Variants in ATAD3A observed in about 807,000 individuals in gnomAD.
ATAD3A encodes ATPase family AAA domain containing 3A.
A neutral mutation model predicts 73.8 loss-of-function variants in ATAD3A; 46 were observed. The observed-to-expected ratio is 0.62, with a 90% CI of 0.49 to 0.80. The LOEUF is 0.80. Ranked by LOEUF, ATAD3A falls within the 30% of genes least tolerant of loss-of-function variation. The pLI is 0.00. For missense variants in ATAD3A, 705 were observed against 838.0 expected, an observed-to-expected ratio of 0.84 and a Z score of 1.96; for synonymous variants, 319 against 350.0, an observed-to-expected ratio of 0.91 and a Z score of 0.99.
chr1:1,523,830 C>G lies in ATAD3A; in HGVS notation c.964-9C>G, dbSNP rs756076627. The G allele has an allele frequency of 6.2e-7, 1 of 1,613,754 alleles. No individual in the cohort carries two copies. ...AGTGTCTCCTCCAAACCCCCGTCTT[C>G]CCCGGCAGCCCAGCCTGGAAGCACG... On this transcript the variant is annotated splice_polypyrimidine_tract_variant and intron_variant, in intron 9 of 15. Transcript: ENST00000378756. The surrounding 1 kb of genome is among the most constrained non-coding windows in gnomAD (Gnocchi z 5.1).
intron 15 of ATAD3A, among the ~76,000 whole-genome samples, chr1:1,529,888 C>T (rs1294272847): frequency 6.6e-6 from 1 of 152,192 alleles, no homozygotes; most frequent in Non-Finnish European, 1.5e-5. Flanking sequence ...GCGTGGCCAT[C>T]CAGAAAGCTT....
chr1:1,518,001 G>A (rs944031301), intron 4 of ATAD3A, among the ~76,000 whole-genome samples: 17 of 151,890 alleles, frequency 1.1e-4, no homozygotes, highest in East Asian at 9.7e-4. Context: ...CTACCCACAC[G>A]GACACACACT....
rs967946869 is a variant in ATAD3A at position 1,534,338 on chromosome 1, G to A, written c.*266G>A. Reference sequence around the variant, plus strand: ...GATGCATTTTCCGTCTGGCTCACAGGGGGAGGGTGAGGCTTTGCACCCCAG... The same window carrying A: ...GATGCATTTTCCGTCTGGCTCACAGAGGGAGGGTGAGGCTTTGCACCCCAG... On this transcript the variant is annotated 3_prime_UTR_variant, in exon 16 of 16. Coordinates refer to ENST00000378756, the MANE Select transcript of ATAD3A (RefSeq NM_001170535.3). 6 of 1,410,802 alleles carry A rather than the reference G, an allele frequency of 4.3e-6. No individual in the cohort carries two copies. In the Admixed American group the frequency reaches 9.0e-5, roughly 21 times the overall value. The allele number at this position is 1,410,802 out of a possible 1,614,324, so 87.4% of individuals were successfully genotyped here.
rs2100664537 is a variant in ATAD3A at position 1,523,030 on chromosome 1, A to G, written c.906+131A>G. The G allele has an allele frequency of 6.9e-7, 1 of 1,453,462 alleles. No individual in the cohort carries two copies. The highest frequency in any genetic ancestry group is 1.4e-5 in the South Asian group (1 of 72,634). The allele number at this position is 1,453,462 out of a possible 1,614,324, so 90.0% of individuals were successfully genotyped here. A position where few individuals can be genotyped will look rare whatever the true frequency, so the allele number is the denominator to read the frequency against. On this transcript the variant is annotated intron_variant, in intron 8 of 15. Transcript: ENST00000378756. This position sits in a 1 kb window ranked among gnomAD's most constrained non-coding sequence, Gnocchi z 5.1. The stretch of plus-strand genomic sequence containing the variant: ...ATAACGGGCACCCGCACACTGCTTC[A>G]CGGGTGGGTTTTCCTGTCTGGCGCT...
At position 1,512,284 on chromosome 1, in the gene ATAD3A, G is replaced by C. The variant is rs1641217988; in HGVS notation, c.16G>C (p.Gly6Arg). 4.7e-6 allele frequency: 6 copies of C among 1,273,318 alleles called. No individual in the cohort carries two copies. Among genetic ancestry groups the C allele is most frequent in the Middle Eastern group, 3.1e-4 (1 of 3,232 alleles). 78.9% of individuals were successfully genotyped at this position (1,273,318 alleles called of 1,614,324 possible). The change falls in exon 1 of 16, where the codon GGC (glycine) becomes CGC (arginine). Residue 6 changes from glycine to arginine, a missense_variant. Gly to Arg is a moderately radical substitution (Grantham distance 125). Coordinates refer to ENST00000378756, the MANE Select transcript of ATAD3A (RefSeq NM_001170535.3). The part of the protein sequence containing the change: MSWLF[G>R]INKGPKGEGA... ...CGGTGCGAGCATGTCGTGGCTCTTC[G>C]GCATTAACAAGGGCCCCAAGGGTGA...
Position 1,527,695 on chromosome 1 carries a change from G to T in ATAD3A, c.1338G>T (p.Lys446Asn), listed in dbSNP as rs767198410. The stretch of plus-strand genomic sequence containing the variant: ...CCTCATCCTCATCCCCGCCCCGCAG[G>T]TTCATGCTGGTCCTGGCCAGCAACC... Reference protein sequence around the residue: ...FLYRTGQHSNKFMLVLASNQP... With the variant: ...FLYRTGQHSNNFMLVLASNQP... The change falls in exon 14 of 16, where the codon AAG (lysine) becomes AAT (asparagine). Residue 446 changes from lysine (K) to asparagine (N), a missense_variant and splice_region_variant. Physicochemically the swap from Lys to Asn is moderately conservative, Grantham distance 94. Coordinates refer to ENST00000378756, the MANE Select transcript of ATAD3A (RefSeq NM_001170535.3). The T allele has an allele frequency of 1.2e-5, 19 of 1,610,530 alleles. No individual in the cohort carries two copies. The highest frequency in any genetic ancestry group is 1.4e-5 in the Non-Finnish European group (17 of 1,178,112).
At chr1:1,526,568 G>T (rs1248249869) in intron 13 of ATAD3A, 37 bp downstream of exon 13, 2 of 1,611,630 alleles carry the variant, frequency 1.2e-6, no homozygotes, top group East Asian at 4.5e-5. Context: ...CCCCGGGCAG[G>T]GCTGTGCAGC....
At position 1,534,402 on chromosome 1, in the gene ATAD3A, G is replaced by T. The variant is rs17161064; in HGVS notation, c.*330G>T. ...CACTGTGAGGGTGGGTGCTGGCTGA[G>T]CCCCCGGGGCAGCAGGAGCCAGGCA... On this transcript the variant is annotated 3_prime_UTR_variant, in exon 16 of 16. Coordinates refer to ENST00000378756, the MANE Select transcript of ATAD3A (RefSeq NM_001170535.3). The T allele has an allele frequency of 1.5e-6, 2 of 1,311,950 alleles. No homozygotes were observed. Among genetic ancestry groups the T allele is most frequent in the Non-Finnish European group, 1.9e-6 (2 of 1,027,486 alleles). The allele number at this position is 1,311,950 out of a possible 1,614,324, so 81.3% of individuals were successfully genotyped here.
chr1:1,518,182 A>G (rs966648065), intron 4 of ATAD3A, among the ~76,000 whole-genome samples: 7 of 149,350 alleles, frequency 4.7e-5, no homozygotes, highest in African/African-American at 1.2e-4. Context: ...ACACACCCAC[A>G]TGGACACTCA....
At chr1:1,514,716 C>T (rs951269361) in intron 1 of ATAD3A, among the ~76,000 whole-genome samples, 5 of 152,170 alleles carry the variant, frequency 3.3e-5, no homozygotes, top group Admixed American at 2.0e-4. Context: ...AGAACAGACG[C>T]TGGGCTCTAG....
At chr1:1,513,317 A>G (rs1641258250) in intron 1 of ATAD3A, among the ~76,000 whole-genome samples, 2 of 151,366 alleles carry the variant, frequency 1.3e-5, no homozygotes, top group Middle Eastern at 3.4e-3. Context: ...CTTCACTTAG[A>G]GATTGAAACT....
At position 1,512,736 on chromosome 1, in the gene ATAD3A, A is replaced by T. The variant is rs765289455; in HGVS notation, c.205+263A>T. The T allele has an allele frequency of 4.3e-6, 5 of 1,166,478 alleles. No homozygotes were observed. In the South Asian group the frequency reaches 5.5e-5, roughly 13 times the overall value. The allele number at this position is 1,166,478 out of a possible 1,614,324, so 72.3% of individuals were successfully genotyped here. The stretch of plus-strand genomic sequence containing the variant: ...GTGGCGCTCATAGGTTACAGGGGTC[A>T]GGGTCTGGGGCTGGCCGTGGTCTTC... On this transcript the variant is annotated intron_variant, in intron 1 of 15. Transcript: ENST00000378756.
chr1:1,525,199 G>C (rs1641760825), intron 11 of ATAD3A, 41 bp from the exon 12 acceptor site: 1 of 1,612,634 alleles, frequency 6.2e-7, no homozygotes, highest in Non-Finnish European at 8.5e-7. Flanking sequence ...GGCTGCTCCT[G>C]GTGTCACTCT....
rs1444726754 is a variant in ATAD3A at position 1,522,918 on chromosome 1, C to T, written c.906+19C>T. The T allele has an allele frequency of 8.1e-6, 13 of 1,604,616 alleles. No individual in the cohort carries two copies. In the East Asian group the frequency reaches 3.0e-4, roughly 36 times the overall value. ...CATCCAGGTAGCAGCGCAGGCCTGG[C>T]CCTCCCTGAGTGCAGTTCCTGGCTG... On this transcript the variant is annotated intron_variant, in intron 8 of 15. Coordinates refer to ENST00000378756, the MANE Select transcript of ATAD3A (RefSeq NM_001170535.3).
intron 12 of ATAD3A, among the ~76,000 whole-genome samples, 163 bp downstream of exon 12, chr1:1,525,454 A>G (rs1416104235): frequency 4.3e-5 from 6 of 140,950 alleles, no homozygotes; most frequent in African/African-American, 1.3e-4. Flanking sequence ...TCGCTCTATC[A>G]CCCAGGCTGG....
chr1:1,533,879 G>T (rs765201587), intron 15 of ATAD3A, 47 bp from the exon 16 acceptor site: 7 of 1,595,408 alleles, frequency 4.4e-6, no homozygotes, highest in East Asian at 2.3e-5. Flanking sequence ...CATTTGGGGT[G>T]GGGGGTTCCC....
intron 1 of ATAD3A, among the ~76,000 whole-genome samples, chr1:1,513,305 A>T (rs1419516400): frequency 6.6e-5 from 10 of 151,390 alleles, no homozygotes. Flanking sequence ...TTCACCCGCT[A>T]ACTTCACTTA....
chr1:1,523,520 C>T lies in ATAD3A; in HGVS notation c.916C>T (p.Arg306Trp), dbSNP rs576334829. The T allele has an allele frequency of 2.7e-4, 428 of 1,612,544 alleles. 5 individuals carry two copies. The Admixed American group carries it at 5.4e-3, about 20-fold the overall frequency. The change falls in exon 9 of 16, where the codon CGG becomes TGG. Residue 306 changes from arginine (R) to tryptophan (W), a missense_variant. Physicochemically the swap from Arg to Trp is moderately radical, Grantham distance 101. Around this residue, in one of 5 missense-constraint regions of ATAD3A, gnomAD observed 315 missense variants for 334.1 expected, o/e 0.94. Coordinates refer to ENST00000378756, the MANE Select transcript of ATAD3A (RefSeq NM_001170535.3). The surrounding 1 kb of genome is among the most constrained non-coding windows in gnomAD (Gnocchi z 5.1). ...ALRHPIQVSR[R>W]LLSRPQDALE... The stretch of plus-strand genomic sequence containing the variant: ...CCTTCCCCTCCGGCAGGTCAGCCGG[C>T]GGCTCCTCAGTCGACCCCAGGACGC...
intron 11 of ATAD3A, among the ~76,000 whole-genome samples, 155 bp from the exon 12 acceptor site, chr1:1,525,085 G>A (rs3737711): frequency 1.3e-5 from 2 of 152,116 alleles, no homozygotes; most frequent in African/African-American, 4.8e-5. Flanking sequence ...CAGGCTGATC[G>A]GCTTCTGTCG....
Sources: allele counts gnomAD v4.1 joint callset (sites outside exome capture counted in the v4.1 genomes callset), GRCh38; gene constraint gnomAD v4.1.1; regional missense constraint gnomAD v4.1.1; non-coding constraint Gnocchi (gnomAD v3.1); transcripts MANE v1.5; gene names NCBI Gene and HGNC (gene_info 2026-07-23, HGNC 2026-07-21).